FRMD4A: variants seen among roughly 807,000 people sequenced by gnomAD.
FRMD4A encodes the protein FERM domain-containing protein 4A.
Under a neutral mutation model 129.1 loss-of-function variants are expected in FRMD4A, and 29 were observed. The ratio of observed to expected loss-of-function variants is 0.22; its 90% CI spans 0.17 to 0.31. The LOEUF (loss-of-function observed/expected upper bound fraction) is 0.31. Ranked by LOEUF, FRMD4A falls within the 10% of genes least tolerant of loss-of-function variation. The pLI is 1.00. For synonymous variants in FRMD4A, 634 were observed against 571.6 expected, an observed-to-expected ratio of 1.11 and a Z score of -1.56; for missense variants, 1,272 against 1,375.8, an observed-to-expected ratio of 0.92 and a Z score of 1.19.
intron 12 of FRMD4A, among the ~76,000 whole-genome samples, chr10:13,723,651 C>T (rs1378044449): frequency 1.3e-5 from 2 of 152,202 alleles, no homozygotes; most frequent in Non-Finnish European, 2.9e-5. Context: ...GAAAATCCCT[C>T]ACCCACAATT....
At chr10:13,881,579 A>T (rs2094546880) in intron 2 of FRMD4A, among the ~76,000 whole-genome samples, 1 of 152,134 alleles carries the variant, frequency 6.6e-6, no homozygotes, top group Admixed American at 6.5e-5. Context: ...GTCCCTAGAG[A>T]TCTGCGCAGA....
At chr10:14,238,427 G>A (rs188229629) in intron 2 of FRMD4A, among the ~76,000 whole-genome samples, 3 of 152,214 alleles carry the variant, frequency 2.0e-5, no homozygotes, top group East Asian at 3.9e-4. Context: ...ATTCCATACC[G>A]TGGCCCATCA....
chr10:14,298,973 T>C (rs1420932128), intron 2 of FRMD4A, among the ~76,000 whole-genome samples: 2 of 152,168 alleles, frequency 1.3e-5, no homozygotes, highest in Admixed American at 1.3e-4. Context: ...ACCTAAAGTG[T>C]TGGGGAAAAA....
chr10:14,058,606 G>C (rs1306157842), intron 2 of FRMD4A, among the ~76,000 whole-genome samples: 1 of 152,218 alleles, frequency 6.6e-6, no homozygotes, highest in Non-Finnish European at 1.5e-5. Context: ...CTGGGAACCT[G>C]ATCTAGGGAG....
chr10:13,934,766 T>G (rs756687974), intron 2 of FRMD4A, among the ~76,000 whole-genome samples: 6 of 152,230 alleles, frequency 3.9e-5, no homozygotes, highest in Non-Finnish European at 7.3e-5. Context: ...GATAATTACC[T>G]AGTAAAAAAT....
intron 3 of FRMD4A, among the ~76,000 whole-genome samples, chr10:13,855,476 G>A (rs375182362): frequency 1.2e-4 from 19 of 152,106 alleles, no homozygotes; most frequent in Admixed American, 4.6e-4. Flanking sequence ...TACTTCTCTG[G>A]GGGAGAGAAA....
chr10:13,896,042 G>C (rs1158437055), intron 2 of FRMD4A, among the ~76,000 whole-genome samples: 2 of 152,200 alleles, frequency 1.3e-5, no homozygotes, highest in African/African-American at 2.4e-5. Context: ...AGGCTGTGGT[G>C]AAACAGGAAT....
intron 2 of FRMD4A, among the ~76,000 whole-genome samples, chr10:14,045,866 T>C (rs1307688476): frequency 6.8e-6 from 1 of 146,596 alleles, no homozygotes; most frequent in Non-Finnish European, 1.5e-5. Context: ...TAATTATATA[T>C]CATATTATAT....
At chr10:13,703,826 G>A (rs943753948) in intron 13 of FRMD4A, among the ~76,000 whole-genome samples, 1 of 152,174 alleles carries the variant, frequency 6.6e-6, no homozygotes, top group African/African-American at 2.4e-5. Context: ...CCAACGTGAT[G>A]AAATCCCATC....
At chr10:14,274,261 A>T (rs1026999996) in intron 2 of FRMD4A, among the ~76,000 whole-genome samples, 2 of 152,198 alleles carry the variant, frequency 1.3e-5, no homozygotes, top group East Asian at 3.9e-4. Flanking sequence ...GCAGAACTTG[A>T]CGACAACTCT....
At chr10:13,889,688 C>T (rs1295574774) in intron 2 of FRMD4A, among the ~76,000 whole-genome samples, 1 of 152,186 alleles carries the variant, frequency 6.6e-6, no homozygotes, top group Non-Finnish European at 1.5e-5. Context: ...TTGGTCAGAA[C>T]AAAAGAGGGT....
intron 2 of FRMD4A, among the ~76,000 whole-genome samples, chr10:14,077,912 T>G (rs1054326006): frequency 2.6e-5 from 4 of 152,214 alleles, no homozygotes; most frequent in African/African-American, 9.6e-5. Context: ...ATGGCAAGCA[T>G]GTGCTCATGT....
At chr10:13,970,843 TTTGAAGTGCTCTG>T (rs1457112592) in intron 2 of FRMD4A, among the ~76,000 whole-genome samples, 7 of 152,298 alleles carry the variant, frequency 4.6e-5, no homozygotes, top group Non-Finnish European at 7.3e-5. Context: ...GTCTCCCCTT[TTTGAAGTGCTCTG>T]CACCCACCGC....
In FRMD4A at chr10:14,241,723, A is replaced by C. The variant is rs57339253; in HGVS notation, c.45+88335T>G. ...AAAAAAAAAAAAAAAAAAAAAAAAG[A>C]GCCAACTGAGAATTAAACAGAGGTG... On this transcript the variant is annotated intron_variant, in intron 2 of 24. Coordinates refer to ENST00000357447, the MANE Select transcript of FRMD4A (RefSeq NM_018027.5). Among the ~76,000 whole-genome samples, 103 of 113,958 alleles carry C rather than the reference A, an allele frequency of 9.0e-4. 7 individuals carry two copies. The East Asian group carries it at 0.027, about 30-fold the overall frequency. 74.8% of individuals were successfully genotyped at this position (113,958 alleles called of 152,430 possible). A position where few individuals can be genotyped will look rare whatever the true frequency, so the allele number is the denominator to read the frequency against.
chr10:13,663,674 C>A (rs1396241286), intron 18 of FRMD4A, among the ~76,000 whole-genome samples, 165 bp from the exon 19 acceptor site: 1 of 152,138 alleles, frequency 6.6e-6, no homozygotes, highest in East Asian at 1.9e-4. Context: ...TTTGTCAGTC[C>A]CCGTGGTGGG....
chr10:13,991,784 A>T (rs1390791851), intron 2 of FRMD4A: 1 of 152,676 alleles, frequency 6.5e-6, no homozygotes, highest in East Asian at 1.9e-4. Flanking sequence ...AGAGAAGGTT[A>T]TAGGATTCCA....
chr10:13,949,291 T>A (rs1423063016), intron 2 of FRMD4A, among the ~76,000 whole-genome samples: 2 of 124,222 alleles, frequency 1.6e-5, no homozygotes, highest in South Asian at 2.9e-4. Context: ...AAGTTCTAGG[T>A]TCTAGTGATC....
intron 2 of FRMD4A, among the ~76,000 whole-genome samples, chr10:14,110,377 C>A (rs1837836594): frequency 6.6e-6 from 1 of 152,060 alleles, no homozygotes; most frequent in Non-Finnish European, 1.5e-5. Context: ...CCTTCTTGCC[C>A]ATGATCAAAT....
chr10:14,240,150 C>T (rs1156568670), intron 2 of FRMD4A, among the ~76,000 whole-genome samples: 1 of 152,148 alleles, frequency 6.6e-6, no homozygotes, highest in African/African-American at 2.4e-5. Context: ...TCATTATTCT[C>T]GCCCATGCTC....
Sources: allele counts gnomAD v4.1 joint callset (sites outside exome capture counted in the v4.1 genomes callset), GRCh38; gene constraint gnomAD v4.1.1; transcripts MANE v1.5; gene names NCBI Gene and HGNC (gene_info 2026-07-23, HGNC 2026-07-21).